The following CCDC7 variants were observed in gnomAD, a reference collection of about 807,000 sequenced individuals.
The protein encoded by CCDC7 is coiled-coil domain-containing protein 7.
CCDC7 carries 183 observed loss-of-function variants against 196.9 expected under a neutral mutation model. The ratio of observed to expected loss-of-function variants is 0.93; its 90% CI spans 0.82 to 1.05. CCDC7 has a LOEUF of 1.05. CCDC7 is among the 50% of genes least tolerant of loss of function. The pLI, the probability that CCDC7 is intolerant of heterozygous loss-of-function variation, is 0.00. For synonymous variants in CCDC7, 525 were observed against 484.6 expected, an observed-to-expected ratio of 1.08 and a Z score of -1.10; for missense variants, 1,540 against 1,482.2, an observed-to-expected ratio of 1.04 and a Z score of -0.64.
intron 28 of CCDC7, among the ~76,000 whole-genome samples, chr10:32,747,243 A>G (rs561882852): frequency 1.3e-5 from 2 of 152,334 alleles, no homozygotes; most frequent in African/African-American, 2.4e-5. Flanking sequence ...CTTAAATGTA[A>G]AACCTACAAC....
chr10:32,597,489 A>G (rs951753148), intron 18 of CCDC7, among the ~76,000 whole-genome samples: 3 of 152,072 alleles, frequency 2.0e-5, no homozygotes, highest in African/African-American at 7.2e-5. Flanking sequence ...TCGGAGAAGT[A>G]TGTTATTACT....
rs548293789 is a variant in CCDC7, at chr10:32,824,325, T to C, written c.3182-193T>C. ...CACTAAATATAACTAAGCCTCAATA[T>C]AATGAGGCTTATATGATTGTTAATT... On this transcript the variant is annotated intron_variant, in intron 31 of 41. Transcript: ENST00000639629. Among the ~76,000 whole-genome samples, 5 of 152,276 alleles carry C rather than the reference T, an allele frequency of 3.3e-5. No homozygotes were observed. The South Asian group carries it at 6.2e-4, about 19-fold the overall frequency.
intron 18 of CCDC7, among the ~76,000 whole-genome samples, chr10:32,631,687 A>T (rs921492702): frequency 1.3e-5 from 2 of 148,524 alleles, no homozygotes; most frequent in Admixed American, 6.7e-5. Flanking sequence ...AAAAAAAAAC[A>T]CTAATTGGTA....
chr10:32,602,882 C>T (rs1249041204), intron 18 of CCDC7, among the ~76,000 whole-genome samples: 8 of 152,114 alleles, frequency 5.3e-5, no homozygotes, highest in Non-Finnish European at 7.4e-5. Flanking sequence ...TGGATATATG[C>T]ATACAATGTG....
intron 8 of CCDC7, among the ~76,000 whole-genome samples, chr10:32,487,039 G>C (rs977591390): frequency 6.6e-5 from 10 of 152,110 alleles, no homozygotes; most frequent in African/African-American, 2.4e-4. Context: ...ATGTTGGCCT[G>C]CCTTGCTAGA....
intron 29 of CCDC7, among the ~76,000 whole-genome samples, chr10:32,791,320 A>G (rs921508262): frequency 3.3e-5 from 5 of 152,176 alleles, no homozygotes; most frequent in African/African-American, 9.7e-5. Context: ...ACACAGGTAC[A>G]TAAGAATCAT....
intron 18 of CCDC7, among the ~76,000 whole-genome samples, chr10:32,605,840 T>TAGAAAAGAAA (rs71299732): frequency 1.4e-4 from 21 of 151,438 alleles, no homozygotes; most frequent in South Asian, 2.1e-4. Flanking sequence ...CCTGGCCATA[T>TAGAAAAGAAA]AGAAAAGAAA....
At chr10:32,705,709 A>G (rs550935495) in intron 24 of CCDC7, among the ~76,000 whole-genome samples, 3 of 152,276 alleles carry the variant, frequency 2.0e-5, no homozygotes, top group East Asian at 1.9e-4. Flanking sequence ...ACAAAGATCA[A>G]AAGAGACAAA....
rs563749175 is a variant in CCDC7 at position 32,545,726 on chromosome 10, C to G, written c.1134+1425C>G. Among the ~76,000 whole-genome samples the G allele has an allele frequency of 2.6e-5, 4 of 151,918 alleles. No homozygotes were observed. The East Asian group carries it at 7.8e-4, about 30-fold the overall frequency. On this transcript the variant is annotated intron_variant, in intron 13 of 41. Transcript: ENST00000639629. ...TTCGAGACTAGCCTGGCCAACACGG[C>G]AAAACCCTGTCTCTACCAAAAATAC...
At chr10:32,668,802 T>C (rs2073404985) in intron 21 of CCDC7, among the ~76,000 whole-genome samples, 1 of 152,198 alleles carries the variant, frequency 6.6e-6, no homozygotes. Flanking sequence ...TTTGCATCAA[T>C]GTTCGTCAGA....
intron 21 of CCDC7, among the ~76,000 whole-genome samples, chr10:32,673,431 ATTTC>A (rs1191908016): frequency 1.3e-5 from 2 of 151,882 alleles, no homozygotes; most frequent in African/African-American, 2.4e-5. Flanking sequence ...TTCCATTTTA[ATTTC>A]TTTCAGCAAT....
At chr10:32,841,628 G>T (rs2092976774) in intron 33 of CCDC7, among the ~76,000 whole-genome samples, 1 of 151,788 alleles carries the variant, frequency 6.6e-6, no homozygotes, top group Non-Finnish European at 1.5e-5. Flanking sequence ...AAATTCATAT[G>T]GAACCAAAAA....
intron 16 of CCDC7, among the ~76,000 whole-genome samples, chr10:32,578,804 T>C (rs1341642108): frequency 2.0e-5 from 3 of 152,146 alleles, no homozygotes; most frequent in Admixed American, 6.5e-5. Context: ...CTTTAAGTGA[T>C]ATAGAATGTA....
At chr10:32,726,953 C>A in intron 26 of CCDC7, 121 bp downstream of exon 27, 4 of 616,602 alleles carry the variant, frequency 6.5e-6, no homozygotes, top group Non-Finnish European at 7.9e-6. Flanking sequence ...GTAGACTTTG[C>A]CCTGAAGTCT....
At chr10:32,568,450 C>A (rs2057163040) in intron 15 of CCDC7, among the ~76,000 whole-genome samples, 1 of 152,072 alleles carries the variant, frequency 6.6e-6, no homozygotes, top group South Asian at 2.1e-4. Flanking sequence ...TTTACCTTCT[C>A]TTTTTGTGTA....
At chr10:32,554,979 T>G (rs991465475) in intron 13 of CCDC7, among the ~76,000 whole-genome samples, 1 of 152,236 alleles carries the variant, frequency 6.6e-6, no homozygotes, top group African/African-American at 2.4e-5. Flanking sequence ...TGTGCCTGGC[T>G]TATTTCACTT....
intron 29 of CCDC7, among the ~76,000 whole-genome samples, chr10:32,787,056 G>A (rs1403187076): frequency 2.0e-5 from 3 of 152,054 alleles, no homozygotes; most frequent in Non-Finnish European, 4.4e-5. Context: ...AAAGGGAAGG[G>A]ACCTGTGGGA....
chr10:32,725,270 C>T (rs1159400614), intron 25 of CCDC7: 2 of 467,722 alleles, frequency 4.3e-6, no homozygotes, highest in African/African-American at 4.0e-5. Context: ...TCCTATAATA[C>T]TTTGAAACTT....
At chr10:32,636,387 C>G (rs1481504511) in intron 20 of CCDC7, among the ~76,000 whole-genome samples, 1 of 152,094 alleles carries the variant, frequency 6.6e-6, no homozygotes, top group East Asian at 1.9e-4. Context: ...CCTACCCCCA[C>G]ACCACAACAG....
Sources: allele counts gnomAD v4.1 joint callset (sites outside exome capture counted in the v4.1 genomes callset), GRCh38; gene constraint gnomAD v4.1.1; transcripts MANE v1.5; gene names NCBI Gene and HGNC (gene_info 2026-07-23, HGNC 2026-07-21).